OLFM3: variants seen among roughly 807,000 people sequenced by gnomAD.
OLFM3 encodes olfactomedin 3.
OLFM3 carries 20 observed loss-of-function variants against 48.6 expected under a neutral mutation model. The observed-to-expected ratio is 0.41, with a 90% CI of 0.29 to 0.60. The LOEUF is 0.60. OLFM3 is among the 20% of genes least tolerant of loss of function. The pLI is 0.28. For missense variants in OLFM3, 437 were observed against 544.3 expected, an observed-to-expected ratio of 0.80 and a Z score of 1.96; for synonymous variants, 222 against 198.1, an observed-to-expected ratio of 1.12 and a Z score of -1.01.
chr1:101,866,844 T>C (rs1303617907), intron 1 of OLFM3, among the ~76,000 whole-genome samples: 1 of 152,198 alleles, frequency 6.6e-6, no homozygotes, highest in Non-Finnish European at 1.5e-5. Context: ...TCAAGTTTTA[T>C]GTGTGTGTGA....
At chr1:101,944,700 C>A (rs1360629250) in intron 1 of OLFM3, among the ~76,000 whole-genome samples, 3 of 151,756 alleles carry the variant, frequency 2.0e-5, no homozygotes, top group Non-Finnish European at 4.4e-5. Flanking sequence ...GTCAACATGG[C>A]GAAACCCCAT....
intron 1 of OLFM3, among the ~76,000 whole-genome samples, chr1:101,963,946 A>G (rs1660540078): frequency 6.6e-6 from 1 of 152,126 alleles, no homozygotes; most frequent in Non-Finnish European, 1.5e-5. Flanking sequence ...GAAGGCATGG[A>G]CTCTCCTTAT....
intron 1 of OLFM3, among the ~76,000 whole-genome samples, chr1:101,879,417 T>G (rs10874523): frequency 0.48 from 72,072 of 151,596 alleles, 17,830 homozygotes; most frequent in Non-Finnish European, 0.56. Context: ...TCAGCTGCTT[T>G]GCTATATCTT....
intron 1 of OLFM3, among the ~76,000 whole-genome samples, chr1:101,854,156 A>G (rs571361341): frequency 2.8e-4 from 33 of 116,512 alleles, no homozygotes; most frequent in African/African-American, 1.2e-3. Context: ...TAAAAAGAAA[A>G]GACAGATTTA....
chr1:101,993,799 T>C (rs1265604979), intron 1 of OLFM3, among the ~76,000 whole-genome samples: 1 of 152,054 alleles, frequency 6.6e-6, no homozygotes, highest in Non-Finnish European at 1.5e-5. Context: ...ACTAAGTACA[T>C]GCTGAAACTA....
chr1:101,823,030 A>C (rs1654682673), intron 4 of OLFM3, among the ~76,000 whole-genome samples: 1 of 152,048 alleles, frequency 6.6e-6, no homozygotes, highest in African/African-American at 2.4e-5. Flanking sequence ...TACTTGAAAT[A>C]GGTAATATGG....
chr1:101,968,852 G>T (rs1660698317), intron 1 of OLFM3, among the ~76,000 whole-genome samples: 1 of 152,194 alleles, frequency 6.6e-6, no homozygotes, highest in Non-Finnish European at 1.5e-5. Context: ...ATTTTATTGT[G>T]AATTTTTTGA....
intron 1 of OLFM3, among the ~76,000 whole-genome samples, chr1:101,932,044 G>T (rs1659459913): frequency 6.6e-6 from 1 of 152,050 alleles, no homozygotes; most frequent in Non-Finnish European, 1.5e-5. Flanking sequence ...CATGGCTCTG[G>T]ATTATTTTAC....
chr1:101,976,777 G>A lies in OLFM3; in HGVS notation c.69+19971C>T, dbSNP rs528686541. 6.6e-4 allele frequency among the ~76,000 whole-genome samples: 100 copies of A among 152,236 alleles called. 2 individuals carry two copies. Among genetic ancestry groups the A allele is most frequent in the African/African-American group, 2.3e-3 (95 of 41,550 alleles). ...CTGTAAATTAGAAAAGTAATTTGAAGTCTTTACCATATGCTGGACTCCAAG... is the reference window on the plus strand; with the variant it reads ...CTGTAAATTAGAAAAGTAATTTGAAATCTTTACCATATGCTGGACTCCAAG... On this transcript the variant is annotated intron_variant, in intron 1 of 5. Transcript: ENST00000370103.
At chr1:101,819,173 C>T (rs1428430398) in intron 4 of OLFM3, among the ~76,000 whole-genome samples, 4 of 151,830 alleles carry the variant, frequency 2.6e-5, no homozygotes, top group African/African-American at 9.7e-5. Context: ...GAAGGGTGTC[C>T]CATGACAAGG....
At chr1:101,838,650 G>T (rs1655554918) in intron 1 of OLFM3, among the ~76,000 whole-genome samples, 1 of 151,966 alleles carries the variant, frequency 6.6e-6, no homozygotes, top group Admixed American at 6.6e-5. Flanking sequence ...TATACAGATA[G>T]AAGCTATTTT....
At chr1:101,909,223 G>C (rs1484686357) in intron 1 of OLFM3, among the ~76,000 whole-genome samples, 1 of 152,120 alleles carries the variant, frequency 6.6e-6, no homozygotes, top group East Asian at 1.9e-4. Context: ...CACACACAGA[G>C]GCCACAGGTA....
At chr1:101,918,819 A>G (rs1659006525) in intron 1 of OLFM3, among the ~76,000 whole-genome samples, 1 of 152,122 alleles carries the variant, frequency 6.6e-6, no homozygotes, top group African/African-American at 2.4e-5. Flanking sequence ...AGATGTAAAC[A>G]CTGACATACT....
intron 1 of OLFM3, among the ~76,000 whole-genome samples, chr1:101,862,042 A>T (rs1656679842): frequency 6.6e-6 from 1 of 152,246 alleles, no homozygotes; most frequent in Non-Finnish European, 1.5e-5. Context: ...AGTGCTAAAA[A>T]TGAGCAATGC....
At chr1:101,865,319 T>A (rs1656816505) in intron 1 of OLFM3, among the ~76,000 whole-genome samples, 1 of 152,190 alleles carries the variant, frequency 6.6e-6, no homozygotes, top group African/African-American at 2.4e-5. Context: ...GCATTTTTGA[T>A]CCTGCGGGCT....
chr1:101,920,071 C>A (rs1210707967), intron 1 of OLFM3, among the ~76,000 whole-genome samples: 2 of 152,174 alleles, frequency 1.3e-5, no homozygotes, highest in Admixed American at 6.5e-5. Context: ...AGAATATGAA[C>A]CTTCTCACCA....
intron 1 of OLFM3, among the ~76,000 whole-genome samples, chr1:101,985,332 A>C (rs753425708): frequency 6.6e-6 from 1 of 152,240 alleles, no homozygotes; most frequent in Non-Finnish European, 1.5e-5. Flanking sequence ...TTTGCGAATT[A>C]GAAAGCAGAC....
intron 1 of OLFM3, among the ~76,000 whole-genome samples, chr1:101,882,033 G>C (rs888098974): frequency 6.7e-6 from 1 of 150,226 alleles, no homozygotes; most frequent in Non-Finnish European, 1.5e-5. Flanking sequence ...TTTTACTAGG[G>C]TATTGAATAA....
chr1:101,839,977 G>T (rs186612641), intron 1 of OLFM3, among the ~76,000 whole-genome samples: 2 of 152,152 alleles, frequency 1.3e-5, no homozygotes, highest in African/African-American at 2.4e-5. Flanking sequence ...GAAAAGATGA[G>T]TGCTTGACAG....
Sources: gnomAD v4.1 joint callset for allele counts (sites outside exome capture counted in the v4.1 genomes callset) on GRCh38, gnomAD v4.1.1 for gene constraint, MANE v1.5 for transcripts, NCBI Gene and HGNC (gene_info 2026-07-23, HGNC 2026-07-21) for gene names.